Variants in SLC16A7 observed in about 807,000 individuals in gnomAD.
The protein encoded by SLC16A7 is solute carrier family 16 member 7, also known as monocarboxylate transporter 2.
A neutral mutation model predicts 34.9 loss-of-function variants in SLC16A7; 33 were observed. The ratio of observed to expected loss-of-function variants is 0.94; its 90% CI spans 0.72 to 1.26. The LOEUF (loss-of-function observed/expected upper bound fraction) is 1.26, where lower values mean the gene tolerates loss of function less well. SLC16A7 is among the 50% of genes most tolerant of loss of function. The pLI is 0.00. For synonymous variants in SLC16A7, 201 were observed against 206.6 expected (o/e 0.97, Z 0.23); for missense variants, 573 against 578.1 (o/e 0.99, Z 0.09).
chr12:59,704,657 T>A (rs1210892709), intron 2 of SLC16A7, 115 bp from the exon 3 acceptor site: 2 of 610,408 alleles, frequency 3.3e-6, no homozygotes, highest in Non-Finnish European at 5.7e-6. Context: ...GTGAAAAATA[T>A]TCATGAAAAA....
intron 1 of SLC16A7, among the ~76,000 whole-genome samples, chr12:59,642,444 T>G (rs1194923335): frequency 6.6e-6 from 1 of 152,108 alleles, no homozygotes; most frequent in African/African-American, 2.4e-5. Context: ...TTGCATCTCC[T>G]ACTAGATTGT....
chr12:59,648,052 TCAA>T (rs1007371008), intron 1 of SLC16A7, among the ~76,000 whole-genome samples: 24 of 152,158 alleles, frequency 1.6e-4, no homozygotes, highest in African/African-American at 5.3e-4. Flanking sequence ...AGACCTTGTC[TCAA>T]CAACAACAAG....
At chr12:59,631,905 T>C (rs562940428) in intron 1 of SLC16A7, among the ~76,000 whole-genome samples, 1 of 152,158 alleles carries the variant, frequency 6.6e-6, no homozygotes, top group Admixed American at 6.6e-5. Context: ...TTAGTGTGTG[T>C]GTATTTGTGT....
intron 3 of SLC16A7, among the ~76,000 whole-genome samples, chr12:59,750,878 C>T (rs1205776612): frequency 6.6e-6 from 1 of 152,030 alleles, no homozygotes; most frequent in Non-Finnish European, 1.5e-5. Flanking sequence ...TACTATGTAG[C>T]CATAAAAAAA....
chr12:59,764,601 C>T (rs751675234), intron 3 of SLC16A7, among the ~76,000 whole-genome samples: 202 of 151,374 alleles, frequency 1.3e-3, no homozygotes, highest in Non-Finnish European at 2.3e-3. Context: ...TTTGTCCTTG[C>T]GATAGTTTGC....
chr12:59,738,747 G>A (rs763206012), intron 3 of SLC16A7, among the ~76,000 whole-genome samples: 25 of 151,870 alleles, frequency 1.6e-4, no homozygotes, highest in Non-Finnish European at 1.9e-4. Flanking sequence ...TAGCTCTCAG[G>A]AAATTTAACA....
intron 1 of SLC16A7, among the ~76,000 whole-genome samples, chr12:59,609,485 A>G (rs1879094280): frequency 1.3e-5 from 2 of 148,476 alleles, no homozygotes; most frequent in South Asian, 4.5e-4. Flanking sequence ...TTTGGGAGAC[A>G]TAGAAGATTG....
At chr12:59,601,950 G>A (rs768868733) in intron 1 of SLC16A7, among the ~76,000 whole-genome samples, 1 of 152,122 alleles carries the variant, frequency 6.6e-6, no homozygotes, top group Non-Finnish European at 1.5e-5. Flanking sequence ...CATTAAGTCC[G>A]TAACAATGAT....
intron 1 of SLC16A7, among the ~76,000 whole-genome samples, chr12:59,609,690 A>AC (rs1879103929): frequency 6.6e-6 from 1 of 152,202 alleles, no homozygotes; most frequent in Admixed American, 6.5e-5. Context: ...AAATTGTTCT[A>AC]CATTTTATTA....
Position 59,774,827 on chromosome 12 carries a change from T to C in SLC16A7, c.532T>C (p.Phe178Leu). 1 of 1,613,912 alleles carries C rather than the reference T, an allele frequency of 6.2e-7. No homozygotes were observed. The highest frequency in any genetic ancestry group is 8.5e-7 in the Non-Finnish European group (1 of 1,179,934). The change falls in exon 5 of 6, where the codon TTC becomes CTC. Residue 178 changes from phenylalanine (F) to leucine (L), a missense_variant. Phe to Leu is a conservative substitution (Grantham distance 22). Transcript: ENST00000547379. ...TAATACTTTTGGCTGGAAAGGAAGC[T>C]TCCTGATTTTGGGAAGTCTACTTTT... The part of the protein sequence containing the change: ...LFNTFGWKGS[F>L]LILGSLLLNA...
At chr12:59,714,678 T>C (rs199631361) in intron 3 of SLC16A7, among the ~76,000 whole-genome samples, 1 of 151,984 alleles carries the variant, frequency 6.6e-6, no homozygotes, top group Admixed American at 6.6e-5. Flanking sequence ...GATTCTCCTG[T>C]CTCAGCCTCT....
chr12:59,646,913 T>A (rs1281115275), intron 1 of SLC16A7, among the ~76,000 whole-genome samples: 1 of 152,210 alleles, frequency 6.6e-6, no homozygotes, highest in African/African-American at 2.4e-5. Flanking sequence ...CAGACTTGCA[T>A]GGGCCTGTAG....
rs771257432 is a variant in SLC16A7 at position 59,774,677 on chromosome 12, C to T, written c.382C>T (p.Leu128=). Reference sequence around the variant, plus strand: ...TTTAGGTTTAGGTTTAGCCTTCAACCTGCAACCCGCCTTAACCATAATTGG... The same window carrying T: ...TTTAGGTTTAGGTTTAGCCTTCAACTTGCAACCCGCCTTAACCATAATTGG... ...FITGLGLAFN[L]QPALTIIGKY... is the part of the protein sequence containing the mutation. The change falls in exon 5 of 6, where the codon CTG becomes TTG. Residue 128 remains leucine (L), a synonymous_variant. Transcript: ENST00000547379. 5.0e-6 allele frequency: 8 copies of T among 1,591,284 alleles called. No homozygotes were observed. The Admixed American group carries it at 7.3e-5, about 14-fold the overall frequency.
chr12:59,722,408 A>G (rs1340782902), intron 3 of SLC16A7, among the ~76,000 whole-genome samples: 1 of 151,794 alleles, frequency 6.6e-6, no homozygotes, highest in African/African-American at 2.4e-5. Flanking sequence ...CTGTTTCTGA[A>G]TATACCTACC....
chr12:59,629,014 A>G (rs1880059586), intron 1 of SLC16A7, among the ~76,000 whole-genome samples: 1 of 151,854 alleles, frequency 6.6e-6, no homozygotes, highest in Admixed American at 6.6e-5. Context: ...TTCAAGATCA[A>G]GGTGCTAGCC....
chr12:59,768,354 A>G (rs1326612548), intron 3 of SLC16A7: 2 of 317,008 alleles, frequency 6.3e-6, no homozygotes, highest in Non-Finnish European at 1.3e-5. Flanking sequence ...TAGAAATAGC[A>G]AGAGAACTAG....
intron 3 of SLC16A7, among the ~76,000 whole-genome samples, chr12:59,769,716 G>A (rs909850927): frequency 6.6e-6 from 1 of 151,996 alleles, no homozygotes; most frequent in African/African-American, 2.4e-5. Context: ...AAGGATATGA[G>A]TGCATTGATA....
chr12:59,771,319 T>A lies in SLC16A7; in HGVS notation c.318T>A (p.Ser106Arg). 6.2e-7 allele frequency: 1 copy of A among 1,612,958 alleles called. No individual in the cohort carries two copies. The highest frequency in any genetic ancestry group is 8.5e-7 in the Non-Finnish European group (1 of 1,179,306). Residue 106 changes from serine to arginine, a missense_variant, in exon 4 of 6, where the codon AGT becomes AGA. Ser to Arg is a moderately radical substitution (Grantham distance 110, BLOSUM62 -1). Coordinates refer to ENST00000547379, the MANE Select transcript of SLC16A7 (RefSeq NM_001270623.2). ...CCLGMVLASF[S>R]SSVVQLYLTM... is the part of the protein sequence containing the mutation. ...TTGGAATGGTGTTGGCCTCCTTTAGTAGCAGCGTGGTACAGCTGTACCTCA... is the reference window on the plus strand; with the variant it reads ...TTGGAATGGTGTTGGCCTCCTTTAGAAGCAGCGTGGTACAGCTGTACCTCA...
rs144456899 is a variant in SLC16A7 at position 59,669,652 on chromosome 12, T to TCACACACACACACACACACACACA, written c.-31+14412_-31+14435dup. On this transcript the variant is annotated intron_variant, in intron 2 of 5. Coordinates refer to ENST00000547379, the MANE Select transcript of SLC16A7 (RefSeq NM_001270623.2). Reference sequence around the variant, plus strand: ...CTCTTTAGCAGTTACCCATAGATAGTCACACACACACACACACACACACAC... The same window carrying TCACACACACACACACACACACACA: ...CTCTTTAGCAGTTACCCATAGATAGTCACACACACACACACACACACACACACACACACACACACACACACACAC... Among the ~76,000 whole-genome samples the TCACACACACACACACACACACACA allele has an allele frequency of 6.7e-3, 934 of 139,540 alleles. 19 individuals are homozygous for TCACACACACACACACACACACACA. The highest frequency in any genetic ancestry group is 0.014 in the African/African-American group (519 of 36,866). The allele number at this position is 139,540 out of a possible 152,430, so 91.5% of individuals were successfully genotyped here.
Sources: gnomAD v4.1 joint callset for allele counts (sites outside exome capture counted in the v4.1 genomes callset) on GRCh38, gnomAD v4.1.1 for gene constraint, MANE v1.5 for transcripts, NCBI Gene and HGNC (gene_info 2026-07-23, HGNC 2026-07-21) for gene names.